The following TRAPPC10 variants were observed in gnomAD, a reference collection of about 807,000 sequenced individuals.
The protein encoded by TRAPPC10 is TRAPP 130 kDa subunit.
TRAPPC10 carries 23 observed loss-of-function variants against 125.5 expected under a neutral mutation model. That is an observed-to-expected ratio of 0.18 (90% CI 0.13 to 0.26). The LOEUF is 0.26. Among genes scored for constraint, TRAPPC10 ranks in the 10% least tolerant of loss-of-function variants. The pLI is 1.00. For missense variants in TRAPPC10, 1,123 were observed against 1,308.4 expected, an observed-to-expected ratio of 0.86 and a Z score of 2.19; for synonymous variants, 509 against 518.0, an observed-to-expected ratio of 0.98 and a Z score of 0.24.
Position 44,087,098 on chromosome 21 carries a change from C to T in TRAPPC10, c.2539+138C>T. 1.0e-6 allele frequency: 1 copy of T among 971,774 alleles called. No homozygotes were observed. The highest frequency in any genetic ancestry group is 2.6e-5 in the East Asian group (1 of 38,380). 60.2% of individuals were successfully genotyped at this position (971,774 alleles called of 1,614,324 possible). ...TCTGGAGTCCGTGTTCCATAGGAGC[C>T]CTGCGGCCTGATGCCTGTGCTGGGG... On this transcript the variant is annotated intron_variant, in intron 16 of 22. Coordinates refer to ENST00000291574, the MANE Select transcript of TRAPPC10 (RefSeq NM_003274.5). This position sits in a 1 kb window ranked among gnomAD's most constrained non-coding sequence, Gnocchi z 4.6.
chr21:44,067,286 G>A (rs1239470586), intron 7 of TRAPPC10, among the ~76,000 whole-genome samples: 3 of 152,188 alleles, frequency 2.0e-5, no homozygotes, highest in Non-Finnish European at 4.4e-5. Flanking sequence ...CTGGCCAGCT[G>A]GGATCGGTAT....
At chr21:44,088,170 G>C (rs2038280444) in intron 17 of TRAPPC10, 1 of 549,770 alleles carries the variant, frequency 1.8e-6, no homozygotes, top group African/African-American at 1.9e-5. Context: ...GGGCCAGGGA[G>C]TTTGCTGTAA....
chr21:44,013,450 T>G lies in TRAPPC10; in HGVS notation c.67+890T>G, dbSNP rs139374203. On this transcript the variant is annotated intron_variant, in intron 1 of 22. Transcript: ENST00000291574. Reference sequence around the variant, plus strand: ...TGACAGTATTCTGTATTTTCATGCATGTATGCAGTTAGTTTTTTTCTAGTT... The same window carrying G: ...TGACAGTATTCTGTATTTTCATGCAGGTATGCAGTTAGTTTTTTTCTAGTT... Among the ~76,000 whole-genome samples the G allele has an allele frequency of 6.5e-3, 989 of 152,364 alleles. 14 individuals are homozygous for G. Among genetic ancestry groups the G allele is most frequent in the Middle Eastern group, 0.01 (3 of 294 alleles).
At chr21:44,068,308 G>A (rs1198448633) in intron 7 of TRAPPC10, among the ~76,000 whole-genome samples, 3 of 152,152 alleles carry the variant, frequency 2.0e-5, no homozygotes, top group African/African-American at 2.4e-5. Context: ...TGCTGGTGGC[G>A]CGGGAGAGTG....
intron 9 of TRAPPC10, among the ~76,000 whole-genome samples, chr21:44,076,218 C>T (rs1231457807): frequency 6.6e-6 from 1 of 152,008 alleles, no homozygotes; most frequent in East Asian, 1.9e-4. Context: ...GGAAAAAATA[C>T]GTAGTATTTA....
chr21:44,020,409 G>C (rs1415555235), intron 1 of TRAPPC10, among the ~76,000 whole-genome samples: 1 of 152,108 alleles, frequency 6.6e-6, no homozygotes, highest in Non-Finnish European at 1.5e-5. Context: ...ACAGGCATGA[G>C]CCACCGCGCC....
intron 19 of TRAPPC10, among the ~76,000 whole-genome samples, chr21:44,092,639 G>C (rs1008722280): frequency 0.021 from 2 of 94 alleles, no homozygotes; most frequent in Non-Finnish European, 0.021. Flanking sequence ...AGCTCTTTCA[G>C]ATATCACTGG....
At chr21:44,041,717 T>C (rs1234654627) in intron 3 of TRAPPC10, among the ~76,000 whole-genome samples, 2 of 152,024 alleles carry the variant, frequency 1.3e-5, no homozygotes, top group Admixed American at 1.3e-4. Flanking sequence ...TTCCCATCAT[T>C]ATTTATTTAT....
At position 44,087,650 on chromosome 21, in the gene TRAPPC10, A is replaced by G; in HGVS notation, c.2540-49A>G. The G allele has an allele frequency of 6.5e-7, 1 of 1,546,662 alleles. No homozygotes were observed. ...ATCACCTGCTGTAAGGAAAAGGACA[A>G]GTGAAACCGAGGGAACAGCTTTGAA... On this transcript the variant is annotated intron_variant, in intron 16 of 22. Coordinates refer to ENST00000291574, the MANE Select transcript of TRAPPC10 (RefSeq NM_003274.5). The surrounding 1 kb of genome is among the most constrained non-coding windows in gnomAD (Gnocchi z 4.6).
intron 1 of TRAPPC10, among the ~76,000 whole-genome samples, chr21:44,016,882 T>TTTC (rs1569134973): frequency 2.0e-5 from 3 of 152,190 alleles, no homozygotes; most frequent in Non-Finnish European, 4.4e-5. Flanking sequence ...ATGGTCTTGA[T>TTTC]CTGACCTTGT....
intron 18 of TRAPPC10, among the ~76,000 whole-genome samples, chr21:44,090,974 C>T (rs1158848845): frequency 3.3e-5 from 5 of 152,122 alleles, no homozygotes; most frequent in African/African-American, 4.8e-5. Flanking sequence ...AGGCGGATCA[C>T]GAGGTCGGGA....
intron 5 of TRAPPC10, 82 bp downstream of exon 5, chr21:44,055,975 A>C (rs1429717011): frequency 4.0e-6 from 5 of 1,254,978 alleles, no homozygotes; most frequent in Non-Finnish European, 5.4e-6. Flanking sequence ...TTTCTTTCTA[A>C]GTAAGGCACC....
intron 1 of TRAPPC10, among the ~76,000 whole-genome samples, chr21:44,029,032 C>T (rs771347839): frequency 8.1e-4 from 123 of 152,324 alleles, no homozygotes; most frequent in East Asian, 1.7e-3. Flanking sequence ...TTACCTACCG[C>T]GTGAGCCAAG....
chr21:44,013,101 T>A (rs998572494), intron 1 of TRAPPC10, among the ~76,000 whole-genome samples: 1 of 152,014 alleles, frequency 6.6e-6, no homozygotes, highest in African/African-American at 2.4e-5. Context: ...CGCCGCGCAC[T>A]CAAACCATTT....
At chr21:44,094,789 G>A (rs748853547) in intron 20 of TRAPPC10, among the ~76,000 whole-genome samples, 1 of 152,050 alleles carries the variant, frequency 6.6e-6, no homozygotes, top group Admixed American at 6.5e-5. Context: ...TTGACTTAAT[G>A]TTTTGCAATT....
chr21:44,072,332 C>T (rs1273369929), intron 7 of TRAPPC10, among the ~76,000 whole-genome samples: 1 of 152,228 alleles, frequency 6.6e-6, no homozygotes, highest in African/African-American at 2.4e-5. Flanking sequence ...CTTGCTTCTG[C>T]ATCCAGCGTC....
intron 3 of TRAPPC10, among the ~76,000 whole-genome samples, chr21:44,043,435 A>G (rs1222620271): frequency 6.6e-6 from 1 of 151,748 alleles, no homozygotes; most frequent in African/African-American, 2.4e-5. Flanking sequence ...GCTGGTCTCA[A>G]ACTCCTGACC....
chr21:44,039,438 G>A (rs911667988), intron 3 of TRAPPC10, among the ~76,000 whole-genome samples: 2 of 152,322 alleles, frequency 1.3e-5, no homozygotes, highest in South Asian at 2.1e-4. Context: ...CTGGGAGCTC[G>A]TTGCCCTTGT....
At chr21:44,095,391 A>G (rs2038863629) in intron 20 of TRAPPC10, among the ~76,000 whole-genome samples, 1 of 151,818 alleles carries the variant, frequency 6.6e-6, no homozygotes, top group Admixed American at 6.6e-5. Flanking sequence ...GATTACAGGC[A>G]TGCACCACCA....
Sources: allele counts gnomAD v4.1 joint callset (sites outside exome capture counted in the v4.1 genomes callset), GRCh38; gene constraint gnomAD v4.1.1; non-coding constraint Gnocchi (gnomAD v3.1); transcripts MANE v1.5; gene names NCBI Gene and HGNC (gene_info 2026-07-23, HGNC 2026-07-21).